The following FSIP1 variants were observed in gnomAD, a reference collection of about 807,000 sequenced individuals.
FSIP1 encodes the protein fibrous sheath-interacting protein 1.
In FSIP1, 65 loss-of-function variants were observed where a neutral mutation model predicts 60.9. The ratio of observed to expected loss-of-function variants is 1.07; its 90% CI spans 0.87 to 1.31. FSIP1 has a LOEUF of 1.31. Ranked by LOEUF, FSIP1 falls within the 40% of genes most tolerant of loss-of-function variation. FSIP1 has a pLI of 0.00. For synonymous variants in FSIP1, 209 were observed against 221.2 expected (o/e 0.94, Z 0.49); for missense variants, 675 against 665.5 (o/e 1.01, Z -0.16).
chr15:39,691,717 T>G (rs1357495770), intron 10 of FSIP1, among the ~76,000 whole-genome samples: 4 of 152,122 alleles, frequency 2.6e-5, no homozygotes, highest in African/African-American at 9.7e-5. Context: ...GGACTGAAAG[T>G]GATAAAGTCT....
chr15:39,695,887 A>G (rs1363439934), intron 10 of FSIP1, among the ~76,000 whole-genome samples: 1 of 152,240 alleles, frequency 6.6e-6, no homozygotes, highest in Admixed American at 6.5e-5. Context: ...TTTAATTGTC[A>G]CTGCTTATCT....
At chr15:39,634,140 ACT>A (rs1039218369) in intron 10 of FSIP1, among the ~76,000 whole-genome samples, 15 of 150,096 alleles carry the variant, frequency 1.0e-4, no homozygotes, top group African/African-American at 3.7e-4. Flanking sequence ...CAATCTCCCC[ACT>A]CTCTTTTGCG....
chr15:39,764,686 G>A (rs1031467949), intron 4 of FSIP1, among the ~76,000 whole-genome samples: 2 of 152,122 alleles, frequency 1.3e-5, no homozygotes, highest in African/African-American at 4.8e-5. Flanking sequence ...GTCCAAGAAG[G>A]CCAAGGAAAG....
chr15:39,728,751 A>C (rs1896294416), intron 8 of FSIP1, among the ~76,000 whole-genome samples: 1 of 152,236 alleles, frequency 6.6e-6, no homozygotes, highest in South Asian at 2.1e-4. Flanking sequence ...ACAAAAACAA[A>C]AATTGACAAA....
At chr15:39,629,664 G>T (rs1032178493) in intron 10 of FSIP1, among the ~76,000 whole-genome samples, 2 of 152,092 alleles carry the variant, frequency 1.3e-5, no homozygotes, top group African/African-American at 4.8e-5. Flanking sequence ...CCTCACTACT[G>T]TCCCTGAGTC....
At chr15:39,777,879 T>C (rs114708823) in intron 1 of FSIP1, among the ~76,000 whole-genome samples, 2,732 of 152,298 alleles carry the variant, frequency 0.018, 81 homozygotes, top group African/African-American at 0.061. Flanking sequence ...TTCTTTTGCT[T>C]TTTTGAACAG....
intron 10 of FSIP1, among the ~76,000 whole-genome samples, chr15:39,681,880 G>C (rs114091086): frequency 0.011 from 1,635 of 152,270 alleles, 22 homozygotes; most frequent in African/African-American, 0.038. Context: ...TCAGAAGGAA[G>C]CACAACTGAT....
In FSIP1 at chr15:39,708,427, C is replaced by T. The variant is rs375238448; in HGVS notation, c.1188+5017G>A. On this transcript the variant is annotated intron_variant, in intron 10 of 11. Coordinates refer to ENST00000350221, the MANE Select transcript of FSIP1 (RefSeq NM_152597.5). ...CAATGAGATAATTCTAACTTTCTTC[C>T]TCAATATTTACCAGAAATACGTCTC... Among the ~76,000 whole-genome samples, 13 of 152,206 alleles carry T rather than the reference C, an allele frequency of 8.5e-5. No individual in the cohort carries two copies. In the East Asian group the frequency reaches 1.7e-3, roughly 20 times the overall value.
chr15:39,606,295 GA>G (rs1890821688), intron 11 of FSIP1, among the ~76,000 whole-genome samples: 3 of 152,130 alleles, frequency 2.0e-5, no homozygotes. Flanking sequence ...ATTTTAAAAA[GA>G]AAACAAAACT....
intron 10 of FSIP1, among the ~76,000 whole-genome samples, chr15:39,618,691 T>C (rs12443011): frequency 0.4 from 60,349 of 152,084 alleles, 14,085 homozygotes; most frequent in African/African-American, 0.66. Context: ...AGAGGCGGTG[T>C]ATTTGGGGAG....
chr15:39,711,676 C>CTTTTTTTTTTT (rs66840718), intron 10 of FSIP1, among the ~76,000 whole-genome samples: 7 of 85,734 alleles, frequency 8.2e-5, no homozygotes, highest in Admixed American at 3.8e-4. Context: ...ATTCCTACTT[C>CTTTTTTTTTTT]TTTTTTTTTT....
At chr15:39,703,866 T>A (rs1895160466) in intron 10 of FSIP1, among the ~76,000 whole-genome samples, 1 of 152,252 alleles carries the variant, frequency 6.6e-6, no homozygotes, top group Non-Finnish European at 1.5e-5. Context: ...AAAAGGTTAC[T>A]GGGTCATTTA....
intron 8 of FSIP1, among the ~76,000 whole-genome samples, chr15:39,728,962 T>C (rs1304503408): frequency 6.6e-6 from 1 of 151,932 alleles, no homozygotes; most frequent in Admixed American, 6.6e-5. Context: ...AAAGAAGACA[T>C]ACACATAGCC....
chr15:39,672,412 T>C (rs185272153), intron 10 of FSIP1, among the ~76,000 whole-genome samples: 7 of 152,282 alleles, frequency 4.6e-5, no homozygotes, highest in African/African-American at 1.7e-4. Flanking sequence ...CTATTGACTG[T>C]CTCTCCCTTC....
At chr15:39,660,282 G>A (rs1893246744) in intron 10 of FSIP1, among the ~76,000 whole-genome samples, 3 of 152,148 alleles carry the variant, frequency 2.0e-5, no homozygotes, top group African/African-American at 4.8e-5. Context: ...CTAGAGAGAG[G>A]AAGAACAATC....
intron 9 of FSIP1, among the ~76,000 whole-genome samples, chr15:39,718,102 C>A (rs1203815395): frequency 6.6e-6 from 1 of 152,130 alleles, no homozygotes; most frequent in East Asian, 1.9e-4. Flanking sequence ...TCCCAACATC[C>A]ACTGTTAGCT....
At chr15:39,744,849 A>T (rs1264674133) in intron 5 of FSIP1, among the ~76,000 whole-genome samples, 3 of 150,338 alleles carry the variant, frequency 2.0e-5, no homozygotes, top group Admixed American at 1.3e-4. Context: ...TTGAAGGAGA[A>T]CAGAAGCTCT....
intron 3 of FSIP1, among the ~76,000 whole-genome samples, chr15:39,768,821 T>C (rs1897778810): frequency 6.6e-6 from 1 of 152,250 alleles, no homozygotes; most frequent in South Asian, 2.1e-4. Context: ...GCTTTATGTA[T>C]TTGTTCCATT....
intron 10 of FSIP1, among the ~76,000 whole-genome samples, chr15:39,650,648 T>C (rs915165796): frequency 7.9e-5 from 12 of 152,104 alleles, no homozygotes; most frequent in Non-Finnish European, 1.5e-4. Context: ...GTAGACCACC[T>C]CCCTGGCCTC....
Sources: gnomAD v4.1 joint callset for allele counts (sites outside exome capture counted in the v4.1 genomes callset) on GRCh38, gnomAD v4.1.1 for gene constraint, MANE v1.5 for transcripts, NCBI Gene and HGNC (gene_info 2026-07-23, HGNC 2026-07-21) for gene names.